PLCZ1: variants seen among roughly 807,000 people sequenced by gnomAD.
PLCZ1 encodes the protein phospholipase C zeta 1.
PLCZ1 carries 64 observed loss-of-function variants against 76.8 expected under a neutral mutation model. That is an observed-to-expected ratio of 0.83 (90% CI 0.68 to 1.03). The LOEUF is 1.03. PLCZ1 is among the 50% of genes least tolerant of loss of function. The probability of loss-of-function intolerance (pLI) is 0.00; values close to 1 mark genes in which losing one functional copy is unlikely to be tolerated. For synonymous variants in PLCZ1, 248 were observed against 230.8 expected (o/e 1.07, Z -0.68); for missense variants, 751 against 713.7 (o/e 1.05, Z -0.60).
intron 5 of PLCZ1, among the ~76,000 whole-genome samples, chr12:18,714,168 T>C (rs565836886): frequency 1.3e-5 from 2 of 152,370 alleles, no homozygotes; most frequent in South Asian, 2.1e-4. Context: ...TGTATAGATA[T>C]TGTTTTCTTG....
the PLCZ1 span, among the ~76,000 whole-genome samples, chr12:18,674,472 T>C: frequency 1.3e-5 from 2 of 152,334 alleles, no homozygotes; most frequent in South Asian, 2.1e-4. Flanking sequence ...TTTCTCACTC[T>C]ATGAATTTTT....
intron 3 of PLCZ1, among the ~76,000 whole-genome samples, chr12:18,724,256 C>G (rs1329373899): frequency 6.6e-6 from 1 of 151,924 alleles, no homozygotes; most frequent in Non-Finnish European, 1.5e-5. Context: ...TGAATAGACA[C>G]TAAAGAACAG....
chr12:18,725,262 G>C (rs6486914), intron 3 of PLCZ1, among the ~76,000 whole-genome samples: 1 of 152,030 alleles, frequency 6.6e-6, no homozygotes, highest in African/African-American at 2.4e-5. Flanking sequence ...AAAGCAGGAC[G>C]TGGTAGCATC....
At chr12:18,682,172 A>G (rs1276624049), downstream of PLCZ1, among the ~76,000 whole-genome samples, 1 of 152,036 alleles carries the variant, frequency 6.6e-6, no homozygotes, top group African/African-American at 2.4e-5. Flanking sequence ...CTTACTACCT[A>G]TGGCTTGGGA....
chr12:18,734,284 T>C (rs181203487), intron 3 of PLCZ1, among the ~76,000 whole-genome samples: 19 of 152,344 alleles, frequency 1.2e-4, no homozygotes, highest in Non-Finnish European at 2.5e-4. Flanking sequence ...GCAACACATT[T>C]TTACATAGTA....
intron 5 of PLCZ1, among the ~76,000 whole-genome samples, chr12:18,713,220 G>A (rs1055619621): frequency 1.7e-4 from 26 of 151,990 alleles, no homozygotes; most frequent in African/African-American, 6.3e-4. Flanking sequence ...CTAGTCAAAT[G>A]TTTTACTCTT....
intron 13 of PLCZ1, among the ~76,000 whole-genome samples, chr12:18,684,888 C>T (rs757204049): frequency 6.6e-6 from 1 of 151,878 alleles, no homozygotes; most frequent in Non-Finnish European, 1.5e-5. Context: ...CTCATGAGAT[C>T]TGATGGTTTT....
intron 5 of PLCZ1, chr12:18,715,012 G>T (rs559321656): frequency 6.6e-6 from 1 of 151,960 alleles, no homozygotes; most frequent in South Asian, 2.1e-4. Context: ...GAATCTTTTA[G>T]ATTTAGTTCT....
chr12:18,718,019 ACT>A (rs1165025701), intron 5 of PLCZ1, among the ~76,000 whole-genome samples: 1 of 151,922 alleles, frequency 6.6e-6, no homozygotes, highest in Non-Finnish European at 1.5e-5. Context: ...AACAACCAAA[ACT>A]CTATGGTGTC....
chr12:18,673,844 C>T, the PLCZ1 span, among the ~76,000 whole-genome samples: 1 of 152,190 alleles, frequency 6.6e-6, no homozygotes, highest in Non-Finnish European at 1.5e-5. Flanking sequence ...GGCTGTTCCA[C>T]AGAAGCTGCC....
intron 6 of PLCZ1, among the ~76,000 whole-genome samples, chr12:18,708,083 T>C (rs1956837934): frequency 6.6e-6 from 1 of 152,214 alleles, no homozygotes; most frequent in Non-Finnish European, 1.5e-5. Context: ...TTACCTATAA[T>C]CCTCATATGA....
chr12:18,718,207 T>G (rs900300909), intron 5 of PLCZ1, among the ~76,000 whole-genome samples: 4 of 152,190 alleles, frequency 2.6e-5, no homozygotes, highest in Non-Finnish European at 5.9e-5. Context: ...AACCACATTG[T>G]AAGTTGAGAA....
chr12:18,676,663 T>C, the PLCZ1 span, among the ~76,000 whole-genome samples: 3 of 152,284 alleles, frequency 2.0e-5, no homozygotes, highest in East Asian at 1.9e-4. Flanking sequence ...AGCAGGACTA[T>C]AGTATAAGCA....
rs759461298 is a variant in PLCZ1 at position 18,696,238 on chromosome 12, C to T, written c.1203G>A (p.Lys401=). The change falls in exon 11 of 15, where the codon AAG becomes AAA. Residue 401 remains lysine, a synonymous_variant. Transcript: ENST00000266505. ...RVHEFIFHTR[K]FITRIYPKAT... is the part of the protein sequence containing the mutation. ...CTTTGGGATATATTCTGGTAATGAA[C>T]TTCCTGGTGTGAAAAATAAACTCAT... 1 of 1,588,030 alleles carries T rather than the reference C, an allele frequency of 6.3e-7. No individual in the cohort carries two copies. The highest frequency in any genetic ancestry group is 1.7e-5 in the Admixed American group (1 of 58,652).
At chr12:18,676,632 C>T in the PLCZ1 span, among the ~76,000 whole-genome samples, 1 of 152,060 alleles carries the variant, frequency 6.6e-6, no homozygotes, top group African/African-American at 2.4e-5. Context: ...ATCAGTCTAG[C>T]AAGATGAAAG....
chr12:18,709,033 T>C (rs536374000), intron 6 of PLCZ1, among the ~76,000 whole-genome samples: 6 of 152,144 alleles, frequency 3.9e-5, no homozygotes, highest in Non-Finnish European at 7.4e-5. Context: ...GTCCCAGTTA[T>C]TTATTTTTGC....
rs559970514 is a variant in PLCZ1, at chr12:18,693,200, G to A, written c.1461+1710C>T. 96 of 1,568,144 alleles carry A rather than the reference G, an allele frequency of 6.1e-5. No individual in the cohort carries two copies. In the African/African-American group the frequency reaches 1.3e-3, roughly 21 times the overall value. Reference sequence around the variant, plus strand: ...TCAGCATTCTTTCATTTGCAGACAAGGATCTTCTGGAACCTGGCTGCTCGG... The same window carrying A: ...TCAGCATTCTTTCATTTGCAGACAAAGATCTTCTGGAACCTGGCTGCTCGG... On this transcript the variant is annotated intron_variant, in intron 12 of 14. Transcript: ENST00000266505.
At chr12:18,695,116 A>T (rs1954770783) in intron 11 of PLCZ1, 37 bp from the exon 12 acceptor site, 1 of 1,579,252 alleles carries the variant, frequency 6.3e-7, no homozygotes, top group African/African-American at 1.4e-5. Flanking sequence ...GTCAGGTAAT[A>T]GAGAATACAA....
chr12:18,729,829 CAA>C (rs1314170884), intron 3 of PLCZ1, among the ~76,000 whole-genome samples: 3 of 151,824 alleles, frequency 2.0e-5, no homozygotes, highest in Non-Finnish European at 2.9e-5. Flanking sequence ...GCCAAGATCA[CAA>C]AGTTATATTT....
Sources: gnomAD v4.1 joint callset for allele counts (sites outside exome capture counted in the v4.1 genomes callset) on GRCh38, gnomAD v4.1.1 for gene constraint, MANE v1.5 for transcripts, NCBI Gene and HGNC (gene_info 2026-07-23, HGNC 2026-07-21) for gene names.